Variants in SPECC1L observed in about 807,000 individuals in gnomAD.
The protein encoded by SPECC1L is sperm antigen with calponin homology and coiled-coil domains 1 like.
In SPECC1L, 40 loss-of-function variants were observed where a neutral mutation model predicts 116.8. The observed-to-expected ratio is 0.34, with a 90% CI of 0.27 to 0.45. The LOEUF is 0.45. Among genes scored for constraint, SPECC1L ranks in the 20% least tolerant of loss-of-function variants. The pLI is 1.00. For missense variants in SPECC1L, 1,110 were observed against 1,373.6 expected (o/e 0.81, Z 3.03); for synonymous variants, 504 against 500.6 (o/e 1.01, Z -0.09).
rs949525328 is a variant in SPECC1L at position 24,334,262 on chromosome 22, T to G, written c.2397-148T>G. ...CTCCTGACCTCGTGATCCTCCTGCC[T>G]CGGCCTCCCAAAGTGCTGGGATTAC... On this transcript the variant is annotated intron_variant, in intron 8 of 16. Coordinates refer to ENST00000314328, the MANE Select transcript of SPECC1L (RefSeq NM_015330.6). 8 of 725,754 alleles carry G rather than the reference T, an allele frequency of 1.1e-5. No homozygotes were observed. The Admixed American group carries it at 1.4e-4, about 13-fold the overall frequency. The allele number at this position is 725,754 out of a possible 1,614,324, so 45.0% of individuals were successfully genotyped here. A position where few individuals can be genotyped will look rare whatever the true frequency, so the allele number is the denominator to read the frequency against.
chr22:24,364,581 T>G (rs907201734), intron 12 of SPECC1L, among the ~76,000 whole-genome samples: 1 of 150,412 alleles, frequency 6.6e-6, no homozygotes, highest in East Asian at 2.0e-4. Flanking sequence ...GAGAATCACT[T>G]GAACCCAGGA....
chr22:24,330,867 G>C (rs1405179377), intron 8 of SPECC1L, among the ~76,000 whole-genome samples: 1 of 152,138 alleles, frequency 6.6e-6, no homozygotes, highest in Non-Finnish European at 1.5e-5. Flanking sequence ...TCTTTAAAAT[G>C]ACACAATACT....
At chr22:24,376,831 TAAGA>T (rs781439394) in intron 14 of SPECC1L, among the ~76,000 whole-genome samples, 54 of 152,096 alleles carry the variant, frequency 3.6e-4, no homozygotes, top group Admixed American at 1.3e-3. Flanking sequence ...TTTTTTTTCT[TAAGA>T]AAGAACTTTT....
rs1568934044 is a variant in SPECC1L at position 24,415,058 on chromosome 22, G to A, written c.*435G>A. The A allele has an allele frequency of 4.0e-6, 1 of 247,308 alleles. No individual in the cohort carries two copies. Among genetic ancestry groups the A allele is most frequent in the South Asian group, 5.0e-5 (1 of 19,964 alleles). The allele number at this position is 247,308 out of a possible 1,614,324, so 15.3% of individuals were successfully genotyped here. A position where few individuals can be genotyped will look rare whatever the true frequency, so the allele number is the denominator to read the frequency against. On this transcript the variant is annotated 3_prime_UTR_variant, in exon 17 of 17. Transcript: ENST00000314328. ...ACTATTGGCTGGGGTGGGTTCCGGT[G>A]CTGGTGAGAACCCAGAAGGAGAGTC...
At chr22:24,364,680 A>G (rs2041716823) in intron 12 of SPECC1L, among the ~76,000 whole-genome samples, 1 of 141,392 alleles carries the variant, frequency 7.1e-6, no homozygotes, top group African/African-American at 2.6e-5. Flanking sequence ...AAAAAAAAAA[A>G]GTGCCCTGAG....
chr22:24,310,047 T>C (rs2040432094), intron 3 of SPECC1L, among the ~76,000 whole-genome samples: 1 of 152,230 alleles, frequency 6.6e-6, no homozygotes, highest in Admixed American at 6.5e-5. Context: ...CTCATGTTTC[T>C]TTTTGCATAA....
intron 14 of SPECC1L, among the ~76,000 whole-genome samples, chr22:24,390,966 C>G (rs1470641626): frequency 1.4e-5 from 2 of 145,460 alleles, no homozygotes; most frequent in East Asian, 4.2e-4. Flanking sequence ...ACCTCTGCCT[C>G]CTGGGTTCAA....
At chr22:24,303,039 A>G (rs529040571) in intron 3 of SPECC1L, among the ~76,000 whole-genome samples, 9 of 152,252 alleles carry the variant, frequency 5.9e-5, no homozygotes, top group Admixed American at 5.9e-4. Context: ...TATGTTGCCC[A>G]GGCTGGTCTC....
chr22:24,295,903 G>A (rs1034909261), intron 2 of SPECC1L, among the ~76,000 whole-genome samples: 4 of 152,272 alleles, frequency 2.6e-5, no homozygotes, highest in Non-Finnish European at 5.9e-5. Flanking sequence ...AGCCAAGGTC[G>A]TGCCGTCGCA....
At chr22:24,319,845 C>T (rs1203800339) in intron 4 of SPECC1L, among the ~76,000 whole-genome samples, 1 of 152,212 alleles carries the variant, frequency 6.6e-6, no homozygotes, top group Non-Finnish European at 1.5e-5. Flanking sequence ...CCTAATGAAC[C>T]AGCAGGGTCT....
intron 14 of SPECC1L, among the ~76,000 whole-genome samples, chr22:24,396,295 GT>G (rs11287152): frequency 0.47 from 69,526 of 148,236 alleles, 16,163 homozygotes; most frequent in East Asian, 0.55. Context: ...ACTTTCTGTG[GT>G]TTTTTTTTTT....
chr22:24,273,298 C>G (rs1458902913), intron 1 of SPECC1L, among the ~76,000 whole-genome samples: 1 of 152,066 alleles, frequency 6.6e-6, no homozygotes, highest in Admixed American at 6.5e-5. Context: ...TGGTATTATG[C>G]AAACTGCTCA....
chr22:24,272,682 C>T (rs527995041), intron 1 of SPECC1L, among the ~76,000 whole-genome samples: 3 of 145,474 alleles, frequency 2.1e-5, no homozygotes, highest in Non-Finnish European at 4.5e-5. Context: ...AAAAAAAAAA[C>T]AGCTATTACA....
At chr22:24,394,117 CTTATTG>C (rs1191023712) in intron 14 of SPECC1L, among the ~76,000 whole-genome samples, 1 of 152,146 alleles carries the variant, frequency 6.6e-6, no homozygotes, top group African/African-American at 2.4e-5. Flanking sequence ...CCAGTTATTG[CTTATTG>C]TAAGCAAAAC....
chr22:24,412,754 TAAG>T lies in SPECC1L; in HGVS notation c.3264+52_3264+54del, dbSNP rs536664443. 286 of 1,594,438 alleles carry T rather than the reference TAAG, an allele frequency of 1.8e-4. 3 individuals are homozygous for T. In the East Asian group the frequency reaches 5.8e-3, roughly 33 times the overall value. On this transcript the variant is annotated intron_variant, in intron 16 of 16. Transcript: ENST00000314328. ...TCACTGGCAGGGCCCTCCTTCTGGT[TAAG>T]AAGAGTTCAGTCCTGTTTAAGCTGA...
chr22:24,356,931 T>A (rs2041544402), intron 11 of SPECC1L, among the ~76,000 whole-genome samples: 1 of 151,914 alleles, frequency 6.6e-6, no homozygotes, highest in Non-Finnish European at 1.5e-5. Context: ...TTTAGCAGTA[T>A]CCCTGCTCTC....
intron 2 of SPECC1L, 44 bp from the exon 3 acceptor site, chr22:24,302,151 C>CT (rs2049393846): frequency 7.0e-7 from 1 of 1,428,196 alleles, no homozygotes; most frequent in African/African-American, 1.4e-5. Flanking sequence ...TAAAGCGCTT[C>CT]CTTCCAGTTA....
intron 4 of SPECC1L, among the ~76,000 whole-genome samples, chr22:24,317,658 G>A (rs2040621419): frequency 1.3e-5 from 2 of 151,936 alleles, no homozygotes; most frequent in Non-Finnish European, 2.9e-5. Flanking sequence ...CCAGGCGGGG[G>A]GCTGACCCCC....
intron 14 of SPECC1L, among the ~76,000 whole-genome samples, chr22:24,380,198 A>C (rs1264364373): frequency 6.6e-6 from 1 of 152,180 alleles, no homozygotes; most frequent in Non-Finnish European, 1.5e-5. Flanking sequence ...TAAAACTGAA[A>C]GCCATATCTA....
Sources: allele counts gnomAD v4.1 joint callset (sites outside exome capture counted in the v4.1 genomes callset), GRCh38; gene constraint gnomAD v4.1.1; transcripts MANE v1.5; gene names NCBI Gene and HGNC (gene_info 2026-07-23, HGNC 2026-07-21).